The following EEA1 variants were observed in gnomAD, a reference collection of about 807,000 sequenced individuals.
EEA1 encodes the protein early endosome antigen 1.
In EEA1, 111 loss-of-function variants were observed where a neutral mutation model predicts 209.2. The ratio of observed to expected loss-of-function variants is 0.53; its 90% CI spans 0.45 to 0.62. The LOEUF (loss-of-function observed/expected upper bound fraction) is 0.62. EEA1 is among the 20% of genes least tolerant of loss of function. The pLI is 0.00. For missense variants in EEA1, 1,343 were observed against 1,530.8 expected, an observed-to-expected ratio of 0.88 and a Z score of 2.05; for synonymous variants, 536 against 540.6, an observed-to-expected ratio of 0.99 and a Z score of 0.12.
At chr12:92,789,049 G>A (rs1459786640) in intron 21 of EEA1, among the ~76,000 whole-genome samples, 4 of 151,972 alleles carry the variant, frequency 2.6e-5, no homozygotes, top group African/African-American at 7.3e-5. Flanking sequence ...CCAACACTTC[G>A]GAAGGCTGAG....
intron 21 of EEA1, among the ~76,000 whole-genome samples, chr12:92,792,720 C>T (rs1874466532): frequency 6.6e-6 from 1 of 152,124 alleles, no homozygotes; most frequent in Admixed American, 6.6e-5. Flanking sequence ...GAGCTGGTAC[C>T]ATTCCTTTTG....
intron 22 of EEA1, among the ~76,000 whole-genome samples, chr12:92,787,504 A>C (rs1210234425): frequency 6.6e-6 from 1 of 152,088 alleles, no homozygotes; most frequent in Non-Finnish European, 1.5e-5. Flanking sequence ...TAATGTCAGA[A>C]TTGCCTGACA....
At chr12:92,903,597 T>G (rs891273099) in intron 1 of EEA1, among the ~76,000 whole-genome samples, 2 of 145,290 alleles carry the variant, frequency 1.4e-5, no homozygotes, top group Non-Finnish European at 3.0e-5. Context: ...AAACTCCATC[T>G]CAAAAAAAAA....
At chr12:92,792,870 C>T (rs971247798) in intron 21 of EEA1, among the ~76,000 whole-genome samples, 15 of 152,168 alleles carry the variant, frequency 9.9e-5, no homozygotes, top group African/African-American at 1.9e-4. Flanking sequence ...AACATCGATG[C>T]GAAAATCCTC....
At chr12:92,846,250 A>G (rs1418100189) in intron 9 of EEA1, among the ~76,000 whole-genome samples, 1 of 152,168 alleles carries the variant, frequency 6.6e-6, no homozygotes, top group Non-Finnish European at 1.5e-5. Context: ...AAGCCTCCCA[A>G]AATCACATTA....
chr12:92,898,390 G>A (rs1380487289), intron 1 of EEA1, among the ~76,000 whole-genome samples: 3 of 152,164 alleles, frequency 2.0e-5, no homozygotes, highest in Admixed American at 2.0e-4. Flanking sequence ...ATGGCTGGGT[G>A]AAATGGCTCA....
At chr12:92,895,179 G>A (rs948239432) in intron 1 of EEA1, among the ~76,000 whole-genome samples, 42 of 79,918 alleles carry the variant, frequency 5.3e-4, no homozygotes, top group African/African-American at 1.6e-3. Context: ...TTTTTGAGAC[G>A]GAGTCTCACT....
intron 10 of EEA1, among the ~76,000 whole-genome samples, chr12:92,833,389 A>G (rs1876752194): frequency 6.6e-6 from 1 of 152,180 alleles, no homozygotes; most frequent in Non-Finnish European, 1.5e-5. Context: ...TTCTAGGTGT[A>G]TTAAAAAATG....
At chr12:92,784,070 C>A (rs200687248) in intron 22 of EEA1, among the ~76,000 whole-genome samples, 1 of 152,152 alleles carries the variant, frequency 6.6e-6, no homozygotes, top group East Asian at 1.9e-4. Context: ...GAACACTAAA[C>A]CCCTTGAGGC....
chr12:92,920,780 G>C (rs1880953456), intron 1 of EEA1, among the ~76,000 whole-genome samples: 1 of 150,738 alleles, frequency 6.6e-6, no homozygotes, highest in African/African-American at 2.4e-5. Context: ...CTTCTGCACA[G>C]CAAAAGAAAC....
At chr12:92,807,797 T>C (rs2136671897) in intron 18 of EEA1, among the ~76,000 whole-genome samples, 1 of 152,166 alleles carries the variant, frequency 6.6e-6, no homozygotes, top group South Asian at 2.1e-4. Flanking sequence ...TAAAGAGACA[T>C]ATGTTTGTGT....
At chr12:92,872,592 T>A (rs968212586) in intron 2 of EEA1, among the ~76,000 whole-genome samples, 3 of 152,090 alleles carry the variant, frequency 2.0e-5, no homozygotes, top group African/African-American at 7.2e-5. Flanking sequence ...CCTAACAATA[T>A]CTATATTTTA....
At chr12:92,871,472 G>A (rs1048664242) in intron 2 of EEA1, among the ~76,000 whole-genome samples, 3 of 152,128 alleles carry the variant, frequency 2.0e-5, no homozygotes, top group African/African-American at 7.2e-5. Context: ...GCACTTTCTG[G>A]TAATGCTCCA....
At chr12:92,852,151 C>T (rs766793038) in intron 8 of EEA1, 24 bp downstream of exon 8, 1 of 1,554,660 alleles carries the variant, frequency 6.4e-7, no homozygotes, top group Non-Finnish European at 8.7e-7. Flanking sequence ...AAGAGTACAT[C>T]TCAATAAATA....
At chr12:92,782,753 C>T (rs1024854105) in intron 22 of EEA1, among the ~76,000 whole-genome samples, 1 of 152,212 alleles carries the variant, frequency 6.6e-6, no homozygotes, top group Admixed American at 6.5e-5. Context: ...AGAATCTCGT[C>T]TCCTGCCCTT....
At chr12:92,776,647 C>G (rs1271260759) in intron 28 of EEA1, among the ~76,000 whole-genome samples, 197 bp downstream of exon 28, 1 of 151,842 alleles carries the variant, frequency 6.6e-6, no homozygotes, top group Non-Finnish European at 1.5e-5. Context: ...AAGACAAGGA[C>G]TGAATTTAAA....
chr12:92,858,278 T>C, intron 3 of EEA1: 1 of 736,236 alleles, frequency 1.4e-6, no homozygotes. Flanking sequence ...GAATGATCCT[T>C]CTTGCACGTG....
intron 2 of EEA1, among the ~76,000 whole-genome samples, chr12:92,865,366 T>C (rs1005716724): frequency 6.8e-6 from 1 of 146,518 alleles, no homozygotes; most frequent in East Asian, 2.0e-4. Context: ...ATCTACTTCA[T>C]AGGAATGCTA....
Position 92,772,378 on chromosome 12 carries a change from A to G in EEA1, c.*3633T>C, listed in dbSNP as rs182334925. ...GAATTTAATTACTATTCGAAATTGA[A>G]CAACATTAAAACACCACTGTCTATA... On this transcript the variant is annotated 3_prime_UTR_variant, in exon 29 of 29. Transcript: ENST00000322349. 16 of 152,006 alleles carry G rather than the reference A, an allele frequency of 1.1e-4. No homozygotes were observed. Among genetic ancestry groups the G allele is most frequent in the Non-Finnish European group, 7.4e-5 (5 of 67,824 alleles). The allele number at this position is 152,006 out of a possible 1,614,324, so 9.4% of individuals were successfully genotyped here.
Sources: allele counts gnomAD v4.1 joint callset (sites outside exome capture counted in the v4.1 genomes callset), GRCh38; gene constraint gnomAD v4.1.1; transcripts MANE v1.5; gene names NCBI Gene and HGNC (gene_info 2026-07-23, HGNC 2026-07-21).